FRAS1: variants seen among roughly 807,000 people sequenced by gnomAD.
FRAS1 encodes the protein extracellular matrix organizing protein FRAS1.
FRAS1 carries 290 observed loss-of-function variants against 435.2 expected under a neutral mutation model. The observed-to-expected ratio is 0.67, with a 90% CI of 0.61 to 0.73. The LOEUF is 0.73. FRAS1 is among the 30% of genes least tolerant of loss of function. FRAS1 has a pLI of 0.00. For missense variants in FRAS1, 4,860 were observed against 5,001.5 expected, an observed-to-expected ratio of 0.97 and a Z score of 0.85; for synonymous variants, 1,800 against 1,851.0, an observed-to-expected ratio of 0.97 and a Z score of 0.71.
At chr4:78,151,144 T>A (rs750485497) in intron 2 of FRAS1, among the ~76,000 whole-genome samples, 1 of 152,190 alleles carries the variant, frequency 6.6e-6, no homozygotes, top group Non-Finnish European at 1.5e-5. Flanking sequence ...ACTAAAGATA[T>A]ACCGTGCTCA....
intron 17 of FRAS1, among the ~76,000 whole-genome samples, chr4:78,318,568 T>C (rs1213698516): frequency 2.0e-5 from 3 of 152,214 alleles, no homozygotes; most frequent in Non-Finnish European, 2.9e-5. Context: ...GTTTGTTTGT[T>C]GTTGTTGTTG....
chr4:78,182,944 C>T (rs190354696), intron 2 of FRAS1, among the ~76,000 whole-genome samples: 84 of 149,690 alleles, frequency 5.6e-4, no homozygotes. Context: ...GTCTGGAGTT[C>T]AGCACAAAGA....
At chr4:78,177,604 A>C (rs902844067) in intron 2 of FRAS1, among the ~76,000 whole-genome samples, 51 of 152,298 alleles carry the variant, frequency 3.3e-4, no homozygotes, top group Non-Finnish European at 7.4e-5. Context: ...TGGGTCCTGA[A>C]TCACTGCTGG....
chr4:78,267,336 C>A lies in FRAS1; in HGVS notation c.885C>A (p.Asp295Glu), dbSNP rs562224966. The change falls in exon 9 of 74, where the codon GAC becomes GAA. Residue 295 changes from aspartate (D) to glutamate (E), a missense_variant. Coordinates refer to ENST00000512123, the MANE Select transcript of FRAS1 (RefSeq NM_025074.7). Reference sequence around the variant, plus strand: ...ATGATGGAGTTGTGCGGTACCAGGACGAAATGTGGAAGGGCTCGGCCTGTG... The same window carrying A: ...ATGATGGAGTTGTGCGGTACCAGGAAGAAATGTGGAAGGGCTCGGCCTGTG... ...CSYDGVVRYQDEMWKGSACEF... is the reference protein window; with the variant it reads ...CSYDGVVRYQEEMWKGSACEF... The A allele has an allele frequency of 6.2e-7, 1 of 1,613,630 alleles. No individual in the cohort carries two copies. The highest frequency in any genetic ancestry group is 1.7e-5 in the Admixed American group (1 of 59,966).
At chr4:78,325,446 A>G (rs1377600916) in intron 18 of FRAS1, among the ~76,000 whole-genome samples, 3 of 152,206 alleles carry the variant, frequency 2.0e-5, no homozygotes, top group Non-Finnish European at 2.9e-5. Flanking sequence ...GCTTAAGAGT[A>G]TGTTACCGTT....
intron 3 of FRAS1, among the ~76,000 whole-genome samples, chr4:78,240,753 G>A (rs1346713743): frequency 6.6e-6 from 1 of 152,030 alleles, no homozygotes; most frequent in African/African-American, 2.4e-5. Context: ...GTGAGAAAAG[G>A]GTACAAGATG....
At chr4:78,446,272 G>A (rs1718826635) in intron 42 of FRAS1, 1 of 1,006,658 alleles carries the variant, frequency 9.9e-7, no homozygotes, top group Non-Finnish European at 1.2e-6. Context: ...GGTCAGTGGT[G>A]GAAAGGGGCT....
intron 2 of FRAS1, among the ~76,000 whole-genome samples, chr4:78,232,435 G>A (rs555913809): frequency 2.6e-5 from 4 of 151,998 alleles, no homozygotes; most frequent in Admixed American, 1.3e-4. Flanking sequence ...ACAGGCGCCC[G>A]CCACCATGCC....
rs1372275197 is a variant in FRAS1, at chr4:78,421,959, C to T, written c.4637C>T (p.Ala1546Val). 6.2e-7 allele frequency: 1 copy of T among 1,613,420 alleles called. No individual in the cohort carries two copies. Among genetic ancestry groups the T allele is most frequent in the Non-Finnish European group, 8.5e-7 (1 of 1,179,638 alleles). ...AAAGTCATGTACCGCCCTCCCCCGG[C>T]AGCACCCCACCTCCAGGAGCTCATG... Reference protein sequence around the residue: ...QGKVMYRPPPAAPHLQELMAF... With the variant: ...QGKVMYRPPPVAPHLQELMAF... Residue 1546 changes from alanine (A) to valine (V), a missense_variant, in exon 34 of 74, where the codon GCA (alanine) becomes GTA (valine). Transcript: ENST00000512123.
chr4:78,289,616 T>G (rs1279859150), intron 14 of FRAS1, among the ~76,000 whole-genome samples: 1 of 152,186 alleles, frequency 6.6e-6, no homozygotes, highest in Non-Finnish European at 1.5e-5. Flanking sequence ...CCCCTATGTG[T>G]CCTTTGCCAA....
Position 78,363,619 on chromosome 4 carries a change from T to A in FRAS1, c.2529T>A (p.Val843=), listed in dbSNP as rs1185885785. Residue 843 remains valine, a synonymous_variant, in exon 21 of 74, where the codon GTT becomes GTA. Coordinates refer to ENST00000512123, the MANE Select transcript of FRAS1 (RefSeq NM_025074.7). ...ACCTGCTGCTCGGGGACCACTGTGT[T>A]CCTGACTGCCCTTCAGGATACTATG... The part of the protein sequence containing the change: ...AHYLLLGDHC[V]PDCPSGYYAE... The A allele has an allele frequency of 6.2e-7, 1 of 1,605,634 alleles. No homozygotes were observed. The highest frequency in any genetic ancestry group is 1.1e-5 in the South Asian group (1 of 89,086).
At chr4:78,495,785 A>G (rs1162843345) in intron 59 of FRAS1, among the ~76,000 whole-genome samples, 1 of 152,136 alleles carries the variant, frequency 6.6e-6, no homozygotes, top group African/African-American at 2.4e-5. Context: ...TTGCTTGCTA[A>G]GCATATGCTT....
chr4:78,296,754 C>T (rs1163028186), intron 14 of FRAS1, among the ~76,000 whole-genome samples: 1 of 152,102 alleles, frequency 6.6e-6, no homozygotes, highest in African/African-American at 2.4e-5. Context: ...CTTTTCCATC[C>T]TTCCCCCTTC....
intron 12 of FRAS1, among the ~76,000 whole-genome samples, chr4:78,283,963 T>C (rs1034942799): frequency 6.6e-6 from 1 of 152,180 alleles, no homozygotes; most frequent in African/African-American, 2.4e-5. Context: ...ATGGGGTGCA[T>C]TTTTCTTAGA....
At position 78,506,250 on chromosome 4, in the gene FRAS1, A is replaced by G. The variant is rs558091590; in HGVS notation, c.9317-1171A>G. On this transcript the variant is annotated intron_variant, in intron 61 of 73. Coordinates refer to ENST00000512123, the MANE Select transcript of FRAS1 (RefSeq NM_025074.7). ...CAGTCTGTCTGTTCTCTGAGCTCAA[A>G]TGCCATGCTGGGAGAACAACTGCTC... Among the ~76,000 whole-genome samples the G allele has an allele frequency of 7.2e-5, 11 of 152,284 alleles. No homozygotes were observed. The South Asian group carries it at 2.3e-3, about 32-fold the overall frequency.
intron 20 of FRAS1, among the ~76,000 whole-genome samples, chr4:78,356,372 A>G (rs1379758883): frequency 6.6e-6 from 1 of 152,086 alleles, no homozygotes; most frequent in African/African-American, 2.4e-5. Context: ...ACTGTGTGGG[A>G]GCTACCTACT....
At chr4:78,179,230 G>A (rs1280751286) in intron 2 of FRAS1, among the ~76,000 whole-genome samples, 2 of 152,172 alleles carry the variant, frequency 1.3e-5, no homozygotes, top group Admixed American at 6.5e-5. Context: ...TGTTCTCACC[G>A]ACTGGAAGTG....
At chr4:78,282,715 C>A in intron 11 of FRAS1, 105 bp from the exon 12 acceptor site, 1 of 1,286,278 alleles carries the variant, frequency 7.8e-7, no homozygotes, top group Non-Finnish European at 1.1e-6. Context: ...TACTGATTAG[C>A]TGCCTTCACT....
intron 6 of FRAS1, among the ~76,000 whole-genome samples, chr4:78,261,317 A>C (rs970284781): frequency 1.4e-5 from 2 of 138,744 alleles, no homozygotes; most frequent in Admixed American, 7.3e-5. Context: ...GCTTTTAAAC[A>C]TTTTTGTTTA....
Sources: allele counts gnomAD v4.1 joint callset (sites outside exome capture counted in the v4.1 genomes callset), GRCh38; gene constraint gnomAD v4.1.1; transcripts MANE v1.5; gene names NCBI Gene and HGNC (gene_info 2026-07-23, HGNC 2026-07-21).